Variants in TNNT2 observed in about 807,000 individuals in gnomAD.
The protein encoded by TNNT2 is troponin T2, cardiac type.
In TNNT2, 34 loss-of-function variants were observed where a neutral mutation model predicts 62.4. The ratio of observed to expected loss-of-function variants is 0.54; its 90% CI spans 0.41 to 0.72. TNNT2 has a LOEUF of 0.72. TNNT2 is among the 30% of genes least tolerant of loss of function. The probability of loss-of-function intolerance (pLI) is 0.00; values close to 1 mark genes in which losing one functional copy is unlikely to be tolerated. For missense variants in TNNT2, 275 were observed against 381.9 expected, an observed-to-expected ratio of 0.72 and a Z score of 2.33; for synonymous variants, 123 against 127.2, an observed-to-expected ratio of 0.97 and a Z score of 0.22.
chr1:201,368,018 G>A, intron 6 of TNNT2, 144 bp downstream of exon 6: 1 of 1,003,052 alleles, frequency 1.0e-6, no homozygotes, highest in Non-Finnish European at 1.6e-6. Flanking sequence ...TGTTGATTGG[G>A]CAATCAATGG....
At chr1:201,366,988 C>T (rs1322032565) in intron 7 of TNNT2, 117 bp from the exon 8 acceptor site, 3 of 1,554,448 alleles carry the variant, frequency 1.9e-6, no homozygotes, top group Non-Finnish European at 1.8e-6. Flanking sequence ...ACAGTGAGTC[C>T]CTCCCGGCAC....
intron 8 of TNNT2, chr1:201,366,100 C>T: frequency 1.8e-6 from 2 of 1,116,240 alleles, no homozygotes; most frequent in African/African-American, 1.6e-5. Context: ...CTGGTCCCAA[C>T]ACATACTGAG....
chr1:201,361,182 G>A lies in TNNT2; in HGVS notation c.810+97C>T. 4.1e-6 allele frequency: 5 copies of A among 1,206,546 alleles called. No individual in the cohort carries two copies. In the South Asian group the frequency reaches 4.9e-5, roughly 12 times the overall value. The allele number at this position is 1,206,546 out of a possible 1,614,324, so 74.7% of individuals were successfully genotyped here. A position where few individuals can be genotyped will look rare whatever the true frequency, so the allele number is the denominator to read the frequency against. Reference sequence around the variant, plus strand: ...CTGAAGGGGGCTGTTGGGGAATAGGGACAGGGACCCAGGGACCTGCAGCAG... The same window carrying A: ...CTGAAGGGGGCTGTTGGGGAATAGGAACAGGGACCCAGGGACCTGCAGCAG... On this transcript the variant is annotated intron_variant, in intron 15 of 16. Transcript: ENST00000656932.
chr1:201,364,056 T>C, intron 11 of TNNT2: 1 of 509,218 alleles, frequency 2.0e-6, no homozygotes, highest in Middle Eastern at 5.6e-4. Flanking sequence ...CTGGCTAATT[T>C]TGTATTTTTA....
chr1:201,371,252 C>T (rs1660568612), intron 4 of TNNT2, among the ~76,000 whole-genome samples: 1 of 152,166 alleles, frequency 6.6e-6, no homozygotes, highest in South Asian at 2.1e-4. Context: ...GCCTCTGAGT[C>T]ATTTCCATGT....
At chr1:201,367,309 C>G (rs1659844058) in intron 7 of TNNT2, 1 of 383,118 alleles carries the variant, frequency 2.6e-6, no homozygotes, top group Non-Finnish European at 4.9e-6. Flanking sequence ...ATTCCAAGCC[C>G]CAGCTGGTTG....
At chr1:201,368,046 G>T in intron 6 of TNNT2, 116 bp downstream of exon 6, 1 of 1,114,004 alleles carries the variant, frequency 9.0e-7, no homozygotes, top group Non-Finnish European at 1.4e-6. Flanking sequence ...TTAGTCAATA[G>T]GAGAGTCAGG....
rs200283086 is a variant in TNNT2, at chr1:201,368,211, C to T, written c.114G>A (p.Ala38=). 56 of 1,614,132 alleles carry T rather than the reference C, an allele frequency of 3.5e-5. No homozygotes were observed. Among genetic ancestry groups the T allele is most frequent in the Admixed American group, 2.7e-4 (16 of 60,020 alleles). ...CAGCCTCTGCTTCAGCATCCTCTTCCGCTGCCTCCTCCTGCTCTGGAGAAG... is the reference window on the plus strand; with the variant it reads ...CAGCCTCTGCTTCAGCATCCTCTTCTGCTGCCTCCTCCTGCTCTGGAGAAG... ...REDEDEQEEA[A]EEDAEAEAET... Residue 38 remains alanine (A), a synonymous_variant, in exon 6 of 17, where the codon GCG becomes GCA. Transcript: ENST00000656932.
At chr1:201,368,049 G>A in intron 6 of TNNT2, 113 bp downstream of exon 6, 1 of 1,124,468 alleles carries the variant, frequency 8.9e-7, no homozygotes, top group Non-Finnish European at 1.4e-6. Flanking sequence ...GTCAATAGGA[G>A]AGTCAGGTGC....
Position 201,369,840 on chromosome 1 carries a change from C to T in TNNT2, c.73G>A (p.Glu25Lys). The change falls in exon 5 of 17, where the codon GAG becomes AAG. Residue 25 changes from glutamate to lysine, a missense_variant. Physicochemically the swap from Glu to Lys is moderately conservative, Grantham distance 56 (BLOSUM62 1). Transcript: ENST00000656932. Reference protein sequence around the residue: ...EQEEAAVEEEEDWREDEDEQE... With the variant: ...EQEEAAVEEEKDWREDEDEQE... ...CCGTCTTCGTCCTCTCTCCAGTCCTCCTCTTCTGAGGTTCAGGGAGTGGCC... is the reference window on the plus strand; with the variant it reads ...CCGTCTTCGTCCTCTCTCCAGTCCTTCTCTTCTGAGGTTCAGGGAGTGGCC... The T allele has an allele frequency of 6.2e-7, 1 of 1,614,192 alleles. No individual in the cohort carries two copies. The highest frequency in any genetic ancestry group is 8.5e-7 in the Non-Finnish European group (1 of 1,180,044).
At chr1:201,369,768 T>G (rs10920184) in intron 5 of TNNT2, 48 bp downstream of exon 5, 1 of 1,613,220 alleles carries the variant, frequency 6.2e-7, no homozygotes, top group Non-Finnish European at 8.5e-7. Flanking sequence ...AGGCTGCACT[T>G]GGGACAGCAG....
intron 8 of TNNT2, 155 bp downstream of exon 8, chr1:201,366,683 T>C: frequency 1.3e-6 from 2 of 1,563,796 alleles, no homozygotes; most frequent in Non-Finnish European, 8.6e-7. Context: ...GAAGAGACGC[T>C]TGTGCAGTAC....
At chr1:201,373,335 C>T (rs1660937442) in intron 1 of TNNT2, 67 bp from the exon 2 acceptor site, 2 of 1,412,780 alleles carry the variant, frequency 1.4e-6, no homozygotes, top group Non-Finnish European at 2.0e-6. Context: ...AGAGCTCTGG[C>T]CCCCGTTGTA....
intron 8 of TNNT2, chr1:201,365,978 C>T: frequency 7.9e-7 from 1 of 1,261,220 alleles, no homozygotes; most frequent in Non-Finnish European, 1.0e-6. Flanking sequence ...CTCAAAGCCA[C>T]ACAACTTGGA....
At chr1:201,366,642 G>T (rs1659714912) in intron 8 of TNNT2, 196 bp downstream of exon 8, 1 of 1,474,708 alleles carries the variant, frequency 6.8e-7, no homozygotes, top group Non-Finnish European at 9.0e-7. Flanking sequence ...TGGAGTGTTG[G>T]GTGGAATTCA....
chr1:201,372,016 G>C lies in TNNT2; in HGVS notation c.67+11C>G. 1 of 1,613,304 alleles carries C rather than the reference G, an allele frequency of 6.2e-7. No homozygotes were observed. The highest frequency in any genetic ancestry group is 8.5e-7 in the Non-Finnish European group (1 of 1,179,864). Reference sequence around the variant, plus strand: ...CCCCTTTCTGGCTCTCCACCTGCCTGAGGCACATACCTTCAACAGCTGCTT... The same window carrying C: ...CCCCTTTCTGGCTCTCCACCTGCCTCAGGCACATACCTTCAACAGCTGCTT... On this transcript the variant is annotated intron_variant, in intron 4 of 16. Transcript: ENST00000656932.
intron 2 of TNNT2, among the ~76,000 whole-genome samples, chr1:201,372,771 G>GATAGGCAGAGGGCCC (rs2102313243): frequency 6.6e-6 from 1 of 152,328 alleles, no homozygotes; most frequent in East Asian, 1.9e-4. Flanking sequence ...TTCCCTCTGG[G>GATAGGCAGAGGGCCC]ATAGGACTGT....
At chr1:201,366,089 C>T in intron 8 of TNNT2, 7 of 1,141,952 alleles carry the variant, frequency 6.1e-6, no homozygotes, top group Non-Finnish European at 7.6e-6. Flanking sequence ...GCAGTTTGGT[C>T]CTGGTCCCAA....
At chr1:201,372,803 G>C (rs1660845913) in intron 2 of TNNT2, among the ~76,000 whole-genome samples, 1 of 152,230 alleles carries the variant, frequency 6.6e-6, no homozygotes, top group African/African-American at 2.4e-5. Context: ...TGTCATGAGA[G>C]AGTAGGGATC....
Sources: allele counts gnomAD v4.1 joint callset (sites outside exome capture counted in the v4.1 genomes callset), GRCh38; gene constraint gnomAD v4.1.1; transcripts MANE v1.5; gene names NCBI Gene and HGNC (gene_info 2026-07-23, HGNC 2026-07-21).